The following HOXD10 variants were observed in gnomAD, a reference collection of about 807,000 sequenced individuals.
The protein encoded by HOXD10 is homeobox protein Hox-D10.
Under a neutral mutation model 27.0 loss-of-function variants are expected in HOXD10, and 15 were observed. The ratio of observed to expected loss-of-function variants is 0.56; its 90% CI spans 0.37 to 0.85. The LOEUF (loss-of-function observed/expected upper bound fraction) is 0.85. Ranked by LOEUF, HOXD10 falls within the 40% of genes least tolerant of loss-of-function variation. The pLI is 0.00. For missense variants in HOXD10, 440 were observed against 430.4 expected (o/e 1.02, Z -0.20); for synonymous variants, 178 against 160.9 (o/e 1.11, Z -0.80).
Position 176,119,326 on chromosome 2 carries a change from A to G in HOXD10, c.*95A>G. The G allele has an allele frequency of 1.6e-6, 2 of 1,268,786 alleles. No individual in the cohort carries two copies. The highest frequency in any genetic ancestry group is 2.3e-6 in the Non-Finnish European group (2 of 887,266). 78.6% of individuals were successfully genotyped at this position (1,268,786 alleles called of 1,614,324 possible). A position where few individuals can be genotyped will look rare whatever the true frequency, so the allele number is the denominator to read the frequency against. On this transcript the variant is annotated 3_prime_UTR_variant, in exon 2 of 2. Transcript: ENST00000249501. ...GCTGGAGGACTGGGAAAGCGGAAAC[A>G]AAACCTTCACCGCTCTTTGTTTGTT...
chr2:176,119,435 GTATATA>G lies in HOXD10; in HGVS notation c.*229_*234del, dbSNP rs6147035. ...TGCAAGTGATCTGTAATCCCTATGA[GTATATA>G]TATATATATATATATATATATATAA... On this transcript the variant is annotated 3_prime_UTR_variant, in exon 2 of 2. Transcript: ENST00000249501. 403 of 178,030 alleles carry G rather than the reference GTATATA, an allele frequency of 2.3e-3. 11 individuals are homozygous for G. Among genetic ancestry groups the G allele is most frequent in the African/African-American group, 0.015 (320 of 21,522 alleles). 11.0% of individuals were successfully genotyped at this position (178,030 alleles called of 1,614,324 possible).
chr2:176,119,205 C>G lies in HOXD10; in HGVS notation c.997C>G (p.Leu333Val). 1 of 1,613,724 alleles carries G rather than the reference C, an allele frequency of 6.2e-7. No homozygotes were observed. The highest frequency in any genetic ancestry group is 8.5e-7 in the Non-Finnish European group (1 of 1,180,008). The change falls in exon 2 of 2, where the codon CTG becomes GTG. Residue 333 changes from leucine to valine, a missense_variant. Leu to Val is a conservative substitution (Grantham distance 32, BLOSUM62 1). Coordinates refer to ENST00000249501, the MANE Select transcript of HOXD10 (RefSeq NM_002148.4). ...KMSRENRIRE[L>V]TANLTFS is the part of the protein sequence containing the mutation. ...GAGCCGAGAGAACCGGATCCGAGAA[C>G]TGACCGCCAACCTCACGTTTTCTTA...
Position 176,119,056 on chromosome 2 carries a change from AAG to A in HOXD10, c.851_852del (p.Glu284ValfsTer17), listed in dbSNP as rs1223245925. 1 of 1,614,002 alleles carries A rather than the reference AAG, an allele frequency of 6.2e-7. No individual in the cohort carries two copies. Among genetic ancestry groups the A allele is most frequent in the Non-Finnish European group, 8.5e-7 (1 of 1,180,036 alleles). On this transcript the variant is annotated frameshift_variant, in exon 2 of 2. Transcript: ENST00000249501. LOFTEE classifies it high-confidence loss of function. Reference sequence around the variant, plus strand: ...AAGCACCAAACGCTGGAATTAGAAAAAGAGTTCTTGTTCAATATGTACCTCAC... The same window carrying A: ...AAGCACCAAACGCTGGAATTAGAAAAAGTTCTTGTTCAATATGTACCTCAC...
rs7604313 is a variant in HOXD10 at position 176,117,196 on chromosome 2, C to T, written c.363C>T (p.Asn121=). 219 of 1,613,524 alleles carry T rather than the reference C, an allele frequency of 1.4e-4. No individual in the cohort carries two copies. In the African/African-American group the frequency reaches 1.9e-3, roughly 14 times the overall value. The change falls in exon 1 of 2, where the codon AAC becomes AAT. Residue 121 remains asparagine (N), a synonymous_variant. Coordinates refer to ENST00000249501, the MANE Select transcript of HOXD10 (RefSeq NM_002148.4). ...GCTGCATGTATTCTGATAAGCGCAA[C>T]AAACTCATTTCGGCCGAGGTCCCTT... is the stretch of plus-strand genomic sequence containing the variant. The part of the protein sequence containing the change: ...SNCCMYSDKR[N]KLISAEVPSY...
In HOXD10 at chr2:176,116,901, G is replaced by A. The variant is rs1375847721; in HGVS notation, c.68G>A (p.Arg23Lys). 1 of 1,614,132 alleles carries A rather than the reference G, an allele frequency of 6.2e-7. No homozygotes were observed. The highest frequency in any genetic ancestry group is 8.5e-7 in the Non-Finnish European group (1 of 1,179,964). The change falls in exon 1 of 2, where the codon AGG becomes AAG. Residue 23 changes from arginine to lysine, a missense_variant. Coordinates refer to ENST00000249501, the MANE Select transcript of HOXD10 (RefSeq NM_002148.4). ...GTAGATTCCTTGATCAGTGCCTGCA[G>A]GAGTGACAGTTTTTATTCCAGCAGC... ...FLVDSLISAC[R>K]SDSFYSSSAS... is the part of the protein sequence containing the mutation.
In HOXD10 at chr2:176,119,230, A is replaced by AGGTCTGAGGCC. The variant is rs756628680; in HGVS notation, c.*15_*25dup. ...CTGACCGCCAACCTCACGTTTTCTTAGGTCTGAGGCCGGTCTGAGGCCGGT... is the reference window on the plus strand; with the variant it reads ...CTGACCGCCAACCTCACGTTTTCTTAGGTCTGAGGCCGGTCTGAGGCCGGTCTGAGGCCGGT... On this transcript the variant is annotated frameshift_variant and stop_retained_variant, in exon 2 of 2. Transcript: ENST00000249501. LOFTEE classifies it high-confidence loss of function. The AGGTCTGAGGCC allele has an allele frequency of 1.0e-3, 1,613 of 1,612,840 alleles. 1 individual carries two copies. The highest frequency in any genetic ancestry group is 1.3e-3 in the Non-Finnish European group (1,536 of 1,179,964).
rs1284772254 is a variant in HOXD10, at chr2:176,116,793, T to C, written c.-41T>C. The C allele has an allele frequency of 6.2e-7, 1 of 1,603,720 alleles. No individual in the cohort carries two copies. Among genetic ancestry groups the C allele is most frequent in the Middle Eastern group, 1.7e-4 (1 of 6,046 alleles). On this transcript the variant is annotated 5_prime_UTR_variant, in exon 1 of 2. Coordinates refer to ENST00000249501, the MANE Select transcript of HOXD10 (RefSeq NM_002148.4). Reference sequence around the variant, plus strand: ...GAATGTTTTCCTAGAGATGTCAGCCTACAAAGGACACAATCTCTCTTCTTC... The same window carrying C: ...GAATGTTTTCCTAGAGATGTCAGCCCACAAAGGACACAATCTCTCTTCTTC...
chr2:176,118,806 C>A, intron 1 of HOXD10, 148 bp from the exon 2 acceptor site: 1 of 692,552 alleles, frequency 1.4e-6, no homozygotes, highest in Admixed American at 2.7e-5. Context: ...TGGCTGCCAG[C>A]AGGGTCACGG....
Position 176,116,892 on chromosome 2 carries a change from GT to G in HOXD10, c.60del (p.Ser20ArgfsTer43). 2 of 1,614,062 alleles carry G rather than the reference GT, an allele frequency of 1.2e-6. No individual in the cohort carries two copies. The highest frequency in any genetic ancestry group is 1.7e-6 in the Non-Finnish European group (2 of 1,179,936). ...ACTTTTTTAGTAGATTCCTTGATCA[GT>G]GCCTGCAGGAGTGACAGTTTTTATT... is the stretch of plus-strand genomic sequence containing the variant. ...ANTFLVDSLISACRSDSFYSS... is the reference protein window; with the variant it reads ...ANTFLVDSLIXACRSDSFYSS... On this transcript the variant is annotated frameshift_variant, in exon 1 of 2. Coordinates refer to ENST00000249501, the MANE Select transcript of HOXD10 (RefSeq NM_002148.4). LOFTEE classifies it high-confidence loss of function.
rs1397310882 is a variant in HOXD10 at position 176,116,944 on chromosome 2, A to T, written c.111A>T (p.Pro37=). The T allele has an allele frequency of 6.2e-7, 1 of 1,614,050 alleles. No individual in the cohort carries two copies. The highest frequency in any genetic ancestry group is 1.3e-5 in the African/African-American group (1 of 74,922). The change falls in exon 1 of 2, where the codon CCA becomes CCT. Residue 37 remains proline, a synonymous_variant. Transcript: ENST00000249501. ...FYSSSASMYM[P]PPSADMGTYG... is the part of the protein sequence containing the mutation. ...CCAGCAGCGCCAGCATGTACATGCC[A>T]CCACCTAGCGCAGACATGGGGACCT...
rs528481185 is a variant in HOXD10 at position 176,118,888 on chromosome 2, A to C, written c.746-66A>C. 494 of 1,434,356 alleles carry C rather than the reference A, an allele frequency of 3.4e-4. 2 individuals carry two copies. In the African/African-American group the frequency reaches 3.4e-3, roughly 10 times the overall value. 88.9% of individuals were successfully genotyped at this position (1,434,356 alleles called of 1,614,324 possible). A position where few individuals can be genotyped will look rare whatever the true frequency, so the allele number is the denominator to read the frequency against. The stretch of plus-strand genomic sequence containing the variant: ...CCAAAACCAAAACCAAAACAAAAAC[A>C]AAAACAAAAACAAACAAACAAAAAA... On this transcript the variant is annotated intron_variant, in intron 1 of 1. Transcript: ENST00000249501.
Position 176,116,829 on chromosome 2 carries a change from C to G in HOXD10, c.-5C>G, listed in dbSNP as rs770477761. On this transcript the variant is annotated 5_prime_UTR_variant, in exon 1 of 2. Transcript: ENST00000249501. ...CAATCTCTCTTCTTCAAATTCTTCC[C>G]CAAAATGTCCTTTCCCAACAGCTCT... 38 of 1,613,696 alleles carry G rather than the reference C, an allele frequency of 2.4e-5. No individual in the cohort carries two copies. Among genetic ancestry groups the G allele is most frequent in the Non-Finnish European group, 3.1e-5 (37 of 1,179,600 alleles).
Position 176,117,098 on chromosome 2 carries a change from C to T in HOXD10, c.265C>T (p.Arg89Ter), listed in dbSNP as rs1471425296. 1 of 1,614,162 alleles carries T rather than the reference C, an allele frequency of 6.2e-7. No homozygotes were observed. The highest frequency in any genetic ancestry group is 8.5e-7 in the Non-Finnish European group (1 of 1,180,028). ...TTGGACAGATCCGAACAGATCTTGT[C>T]GAATAGAGCAACCTGTTACACAGCA... ...DSWTDPNRSC[R>*]IEQPVTQQVP... The change falls in exon 1 of 2, where the codon CGA becomes TGA. Residue 89 changes from arginine to a stop codon, truncating the protein, a stop_gained. Coordinates refer to ENST00000249501, the MANE Select transcript of HOXD10 (RefSeq NM_002148.4). LOFTEE classifies it high-confidence loss of function.
At position 176,117,378 on chromosome 2, in the gene HOXD10, C is replaced by T. The variant is rs1046890556; in HGVS notation, c.545C>T (p.Pro182Leu). The change falls in exon 1 of 2, where the codon CCT becomes CTT. Residue 182 changes from proline to leucine, a missense_variant. Pro to Leu is a moderately conservative substitution (Grantham distance 98). Transcript: ENST00000249501. ...GSSTVMLQLNPRGAAKPQLSA... is the reference protein window; with the variant it reads ...GSSTVMLQLNLRGAAKPQLSA... ...TCCACTGTCATGCTCCAGCTCAACC[C>T]TCGTGGCGCGGCCAAGCCGCAGCTC... 5 of 1,613,304 alleles carry T rather than the reference C, an allele frequency of 3.1e-6. No individual in the cohort carries two copies. Among genetic ancestry groups the T allele is most frequent in the African/African-American group, 2.7e-5 (2 of 74,938 alleles).
Position 176,117,028 on chromosome 2 carries a change from A to C in HOXD10, c.195A>C (p.Gln65His). The C allele has an allele frequency of 1.2e-6, 2 of 1,614,158 alleles. No homozygotes were observed. Among genetic ancestry groups the C allele is most frequent in the Non-Finnish European group, 1.7e-6 (2 of 1,180,024 alleles). Residue 65 changes from glutamine to histidine, a missense_variant, in exon 1 of 2, where the codon CAA becomes CAC. Transcript: ENST00000249501. ...PSLAKREVNH[Q>H]NMGMNVHPYI... ...TGGCCAAAAGAGAAGTGAACCACCA[A>C]AATATGGGTATGAATGTGCATCCTT...
intron 1 of HOXD10, 47 bp from the exon 2 acceptor site, chr2:176,118,907 C>T: frequency 6.5e-7 from 1 of 1,530,078 alleles, no homozygotes; most frequent in Non-Finnish European, 9.0e-7. Flanking sequence ...AACAAACAAA[C>T]AAAAAACCTC....
At position 176,117,503 on chromosome 2, in the gene HOXD10, G is replaced by C. The variant is rs377417077; in HGVS notation, c.670G>C (p.Gly224Arg). 13 of 1,613,028 alleles carry C rather than the reference G, an allele frequency of 8.1e-6. No homozygotes were observed. Among genetic ancestry groups the C allele is most frequent in the Non-Finnish European group, 1.1e-5 (13 of 1,180,032 alleles). Residue 224 changes from glycine (G) to arginine (R), a missense_variant, in exon 1 of 2, where the codon GGC becomes CGC. Transcript: ENST00000249501. The stretch of plus-strand genomic sequence containing the variant: ...GGTGGAGAGCCCCGAGGCCAAAGGC[G>C]GCCTTCCCGAAGAGAGGAGCTGCCT... ...SQVESPEAKG[G>R]LPEERSCLAE...
intron 1 of HOXD10, 103 bp from the exon 2 acceptor site, chr2:176,118,850 AC>A (rs2105394959): frequency 9.3e-7 from 1 of 1,074,298 alleles, no homozygotes; most frequent in African/African-American, 1.6e-5. Flanking sequence ...GAAGAAAAAA[AC>A]AAAAACGAAA....
rs141871517 is a variant in HOXD10 at position 176,117,604 on chromosome 2, C to T, written c.745+26C>T. 230 of 1,610,944 alleles carry T rather than the reference C, an allele frequency of 1.4e-4. No individual in the cohort carries two copies. The East Asian group carries it at 2.4e-3, about 17-fold the overall frequency. On this transcript the variant is annotated intron_variant, in intron 1 of 1. Transcript: ENST00000249501. ...GTCGGTATGAGCAGAGTTGCCACCC[C>T]AGCGGGGCGCGCAGCCCGGGAACCC...
Sources: gnomAD v4.1 joint callset for allele counts on GRCh38, gnomAD v4.1.1 for gene constraint, MANE v1.5 for transcripts, NCBI Gene and HGNC (gene_info 2026-07-23, HGNC 2026-07-21) for gene names.